LRCH2: variants seen among roughly 807,000 people sequenced by gnomAD.
LRCH2 encodes the protein leucine rich repeats and calponin homology domain containing 2.
A neutral mutation model predicts 68.9 loss-of-function variants in LRCH2; 38 were observed. That is an observed-to-expected ratio of 0.55 (90% confidence interval 0.43 to 0.72). The LOEUF is 0.72. Among genes scored for constraint, LRCH2 ranks in the 30% least tolerant of loss-of-function variants. LRCH2 has a pLI of 0.00. For missense variants in LRCH2, 528 were observed against 572.9 expected (o/e 0.92, Z 0.80); for synonymous variants, 191 against 208.1 (o/e 0.92, Z 0.71).
chrX:115,136,568 T>A (rs1603031159), intron 14 of LRCH2, among the ~76,000 whole-genome samples: 1 of 110,816 alleles, frequency 9.0e-6, no homozygotes, highest in East Asian at 2.8e-4. Context: ...GAGGGACAAC[T>A]ATACTCCCAT....
chrX:115,167,990 C>T (rs2072577130), intron 6 of LRCH2, among the ~76,000 whole-genome samples: 1 of 112,210 alleles, frequency 8.9e-6, no homozygotes, highest in Admixed American at 9.4e-5. Context: ...GCTCTACATA[C>T]ATTGCTTCAT....
At chrX:115,192,201 G>T in intron 1 of LRCH2, 1 of 1,163,485 alleles carries the variant, frequency 8.6e-7, no homozygotes, top group Non-Finnish European at 1.1e-6. Context: ...AAGGCCGCTC[G>T]CCCAATGCCT....
At chrX:115,161,534 C>G (rs968584430) in intron 11 of LRCH2, among the ~76,000 whole-genome samples, 2 of 111,729 alleles carry the variant, frequency 1.8e-5, no homozygotes, top group Admixed American at 9.5e-5. Context: ...AAAGAAATTA[C>G]TTTTGCATAC....
At position 115,203,779 on chromosome X, in the gene LRCH2, G is replaced by A. The variant is rs181814261; in HGVS notation, c.350-15409C>T. 1.5e-4 allele frequency among the ~76,000 whole-genome samples: 17 copies of A among 112,420 alleles called. No homozygotes were observed. In the East Asian group the frequency reaches 3.7e-3, roughly 24 times the overall value. Reference sequence around the variant, plus strand: ...GGCTCTTCAGGGTATAGCCCCCGTCGCTGGTTTCAGGGGATGGCATTGAGA... The same window carrying A: ...GGCTCTTCAGGGTATAGCCCCCGTCACTGGTTTCAGGGGATGGCATTGAGA... On this transcript the variant is annotated intron_variant, in intron 1 of 20. Coordinates refer to ENST00000317135, the MANE Select transcript of LRCH2 (RefSeq NM_020871.4).
chrX:115,203,335 A>G (rs1295706586), intron 1 of LRCH2, among the ~76,000 whole-genome samples: 4 of 111,876 alleles, frequency 3.6e-5, no homozygotes, highest in African/African-American at 6.5e-5. Context: ...GAGCTAAACC[A>G]TATCATTCTG....
chrX:115,194,100 G>T (rs1030801610), intron 1 of LRCH2, among the ~76,000 whole-genome samples: 2 of 110,295 alleles, frequency 1.8e-5, no homozygotes, highest in African/African-American at 3.3e-5. Context: ...TCCTTATTCA[G>T]AACATTAACA....
At chrX:115,146,902 T>TACACACACAC (rs1238704414) in intron 14 of LRCH2, among the ~76,000 whole-genome samples, 20 of 53,904 alleles carry the variant, frequency 3.7e-4, no homozygotes, top group African/African-American at 1.6e-3. Context: ...ATTTCTTACA[T>TACACACACAC]ACATACACAC....
chrX:115,229,976 A>G (rs969504013), intron 1 of LRCH2, among the ~76,000 whole-genome samples: 9 of 112,220 alleles, frequency 8.0e-5, no homozygotes, highest in Non-Finnish European at 1.5e-4. Flanking sequence ...GCTCATGTAC[A>G]TAAACAGGTA....
At chrX:115,121,969 T>C (rs2072147634) in intron 20 of LRCH2, among the ~76,000 whole-genome samples, 1 of 111,622 alleles carries the variant, frequency 9.0e-6, no homozygotes, top group Non-Finnish European at 1.9e-5. Flanking sequence ...ATATCTTCCT[T>C]ACATATTTAC....
intron 20 of LRCH2, among the ~76,000 whole-genome samples, chrX:115,116,045 G>A (rs2072079568): frequency 9.0e-6 from 1 of 111,146 alleles, no homozygotes; most frequent in Non-Finnish European, 1.9e-5. Context: ...AAGGTAGACA[G>A]TAGTAGCCAT....
chrX:115,154,690 A>C (rs2072459153), intron 12 of LRCH2, among the ~76,000 whole-genome samples: 1 of 111,834 alleles, frequency 8.9e-6, no homozygotes, highest in Admixed American at 9.5e-5. Flanking sequence ...AGAATGGCAA[A>C]GATTAAATAG....
intron 1 of LRCH2, among the ~76,000 whole-genome samples, chrX:115,203,014 G>C (rs782495650): frequency 1.8e-5 from 2 of 111,819 alleles, no homozygotes; most frequent in Non-Finnish European, 3.8e-5. Flanking sequence ...CTGCTGTAAA[G>C]AACTACCAGA....
At chrX:115,229,670 G>A (rs2073140936) in intron 1 of LRCH2, among the ~76,000 whole-genome samples, 1 of 111,596 alleles carries the variant, frequency 9.0e-6, no homozygotes, top group South Asian at 3.7e-4. Flanking sequence ...GATTTTTCAG[G>A]AAGACATTTA....
intron 1 of LRCH2, chrX:115,189,836 G>A: frequency 8.6e-7 from 1 of 1,167,190 alleles, no homozygotes; most frequent in African/African-American, 1.8e-5. Flanking sequence ...GACGGCCGCG[G>A]CTACGCGGGG....
intron 1 of LRCH2, among the ~76,000 whole-genome samples, chrX:115,226,093 C>G (rs187982623): frequency 2.7e-4 from 30 of 110,444 alleles, no homozygotes; most frequent in African/African-American, 9.9e-4. Context: ...GTACAAGAGA[C>G]ATGTATAATA....
At chrX:115,184,339 A>G (rs1221883543) in intron 3 of LRCH2, 72 bp downstream of exon 3, 3 of 846,998 alleles carry the variant, frequency 3.5e-6, no homozygotes, top group Admixed American at 8.2e-5. Flanking sequence ...AAATTCCATT[A>G]AAAATAGGTA....
intron 1 of LRCH2, chrX:115,190,764 T>C (rs1556558100): frequency 8.7e-7 from 1 of 1,155,835 alleles, no homozygotes; most frequent in South Asian, 1.9e-5. Context: ...GCTCCACTGA[T>C]GCCCACAGCA....
chrX:115,147,681 A>T (rs2072397831), intron 14 of LRCH2, among the ~76,000 whole-genome samples: 1 of 111,708 alleles, frequency 9.0e-6, no homozygotes, highest in Non-Finnish European at 1.9e-5. Flanking sequence ...TAAAATGCTC[A>T]GTTTTTAAAA....
At chrX:115,224,725 T>C (rs1191125883) in intron 1 of LRCH2, among the ~76,000 whole-genome samples, 2 of 107,670 alleles carry the variant, frequency 1.9e-5, no homozygotes, top group African/African-American at 3.4e-5. Flanking sequence ...AAGAAGTAGA[T>C]ACAGAAGCCA....
Sources: gnomAD v4.1 joint callset for allele counts (sites outside exome capture counted in the v4.1 genomes callset) on GRCh38, gnomAD v4.1.1 for gene constraint, MANE v1.5 for transcripts, NCBI Gene and HGNC (gene_info 2026-07-23, HGNC 2026-07-21) for gene names.